The following EPRS1 variants were observed in gnomAD, a reference collection of about 807,000 sequenced individuals.
EPRS1 encodes the protein glutamyl-prolyl-tRNA synthetase 1.
In EPRS1, 107 loss-of-function variants were observed where a neutral mutation model predicts 188.3. The ratio of observed to expected loss-of-function variants is 0.57; its 90% confidence interval spans 0.49 to 0.67. The LOEUF is 0.67. EPRS1 is among the 30% of genes least tolerant of loss of function. The pLI is 0.00. For synonymous variants in EPRS1, 596 were observed against 593.1 expected (o/e 1.00, Z -0.07); for missense variants, 1,577 against 1,802.2 (o/e 0.88, Z 2.26).
chr1:220,014,512 G>A (rs979981058), intron 12 of EPRS1, among the ~76,000 whole-genome samples: 2 of 152,104 alleles, frequency 1.3e-5, no homozygotes, highest in African/African-American at 4.8e-5. Flanking sequence ...CAAAGGAAAG[G>A]GTACTGCACG....
intron 14 of EPRS1, among the ~76,000 whole-genome samples, chr1:220,006,527 A>C (rs1156881233): frequency 6.6e-6 from 1 of 152,152 alleles, no homozygotes; most frequent in Non-Finnish European, 1.5e-5. Flanking sequence ...AATACAACAT[A>C]ATCACTGACA....
At position 219,973,376 on chromosome 1, in the gene EPRS1, A is replaced by C. The variant is rs1017159417; in HGVS notation, c.4106T>G (p.Val1369Gly). 1 of 1,612,236 alleles carries C rather than the reference A, an allele frequency of 6.2e-7. No individual in the cohort carries two copies. The highest frequency in any genetic ancestry group is 8.5e-7 in the Non-Finnish European group (1 of 1,179,328). The change falls in exon 29 of 32, where the codon GTT (valine) becomes GGT (glycine). Residue 1369 changes from valine (V) to glycine (G), a missense_variant. Around this residue, in one of 3 missense-constraint regions of EPRS1, gnomAD observed 296 missense variants for 327.9 expected, o/e 0.90. Transcript: ENST00000366923. ...ACAGCTCTTCATATCACGTGGCCCA[A>C]CTTCAAGTCTAATGGGAACTCCCTA... ...ELKGVPIRLE[V>G]GPRDMKSCQF...
At chr1:220,027,443 T>C (rs1662000032) in intron 6 of EPRS1, among the ~76,000 whole-genome samples, 1 of 110,004 alleles carries the variant, frequency 9.1e-6, no homozygotes, top group African/African-American at 3.5e-5. Flanking sequence ...AAAAAAAAAA[T>C]TATCTGGGCG....
At chr1:219,978,517 G>A in intron 28 of EPRS1, 29 bp downstream of exon 28, 1 of 1,502,184 alleles carries the variant, frequency 6.7e-7, no homozygotes, top group Non-Finnish European at 9.0e-7. Context: ...GCAGATGTTG[G>A]GGGTAAAAGA....
chr1:219,997,099 C>G lies in EPRS1; in HGVS notation c.2425G>C (p.Gly809Arg). ...YKPGNPPAEI[G>R]QNISSNSSAS... ...GAGGAATTAGAAGAAATATTCTGTCCTATTTCAGCAGGAGGGTTTCCAGGT... is the reference window on the plus strand; with the variant it reads ...GAGGAATTAGAAGAAATATTCTGTCGTATTTCAGCAGGAGGGTTTCCAGGT... Residue 809 changes from glycine (G) to arginine (R), a missense_variant, in exon 18 of 32, where the codon GGA becomes CGA. Coordinates refer to ENST00000366923, the MANE Select transcript of EPRS1 (RefSeq NM_004446.3). 6.2e-7 allele frequency: 1 copy of G among 1,614,074 alleles called. No homozygotes were observed. The highest frequency in any genetic ancestry group is 8.5e-7 in the Non-Finnish European group (1 of 1,179,978).
chr1:220,046,303 C>T, intron 1 of EPRS1, 40 bp downstream of exon 1: 2 of 1,613,244 alleles, frequency 1.2e-6, no homozygotes, highest in South Asian at 1.1e-5. Context: ...CCCTCCCTGG[C>T]TGATGCAACC....
At chr1:220,033,388 A>T (rs1662120616) in intron 4 of EPRS1, 114 bp downstream of exon 4, 1 of 690,060 alleles carries the variant, frequency 1.4e-6, no homozygotes, top group Admixed American at 3.1e-5. Flanking sequence ...TTACTGTCTA[A>T]ACATATATAT....
chr1:220,021,717 A>G (rs191939612), intron 9 of EPRS1, among the ~76,000 whole-genome samples: 6 of 152,358 alleles, frequency 3.9e-5, no homozygotes, highest in Non-Finnish European at 7.3e-5. Context: ...GTCAGCACCC[A>G]TGAGTTTAAA....
intron 21 of EPRS1, among the ~76,000 whole-genome samples, chr1:219,983,868 A>G (rs900763640): frequency 8.9e-5 from 13 of 146,510 alleles, no homozygotes; most frequent in East Asian, 2.1e-4. Flanking sequence ...ACACCAGCCT[A>G]GGCAACAGAC....
chr1:219,983,614 C>T (rs569491711), intron 21 of EPRS1, among the ~76,000 whole-genome samples: 5 of 152,240 alleles, frequency 3.3e-5, no homozygotes, highest in East Asian at 1.9e-4. Context: ...TGAATTCCAC[C>T]GGGCATTGTG....
At chr1:220,014,285 G>A (rs184740060) in intron 12 of EPRS1, among the ~76,000 whole-genome samples, 14 of 151,756 alleles carry the variant, frequency 9.2e-5, no homozygotes, top group East Asian at 1.9e-4. Context: ...CCGAGATCAC[G>A]CCACTGCACG....
Position 219,983,205 on chromosome 1 carries a change from G to C in EPRS1, c.3284C>G (p.Ala1095Gly). The C allele has an allele frequency of 6.2e-7, 1 of 1,613,506 alleles. No individual in the cohort carries two copies. The highest frequency in any genetic ancestry group is 8.5e-7 in the Non-Finnish European group (1 of 1,179,696). ...SALEKEKTHVADFAPEVAWVT... is the reference protein window; with the variant it reads ...SALEKEKTHVGDFAPEVAWVT... The stretch of plus-strand genomic sequence containing the variant: ...CTCACTTACCTCTGGGGCAAAGTCA[G>C]CAACATGAGTCTTCTCTTTCTCTAA... The change falls in exon 22 of 32, where the codon GCT becomes GGT. Residue 1095 changes from alanine to glycine, a missense_variant. By Grantham distance (60) the Ala-to-Gly change is moderately conservative. Around this residue, in one of 3 missense-constraint regions of EPRS1, gnomAD observed 1,278 missense variants for 1,457.4 expected, o/e 0.88. Transcript: ENST00000366923.
At chr1:220,021,287 G>A (rs1571689485) in intron 9 of EPRS1, among the ~76,000 whole-genome samples, 1 of 152,154 alleles carries the variant, frequency 6.6e-6, no homozygotes, top group South Asian at 2.1e-4. Flanking sequence ...CTCCTGGACT[G>A]AAGCAATCTT....
At chr1:220,043,638 C>G (rs1662340175) in intron 1 of EPRS1, among the ~76,000 whole-genome samples, 1 of 152,080 alleles carries the variant, frequency 6.6e-6, no homozygotes, top group Non-Finnish European at 1.5e-5. Context: ...AATTCATGCA[C>G]CAACTGATGG....
intron 1 of EPRS1, among the ~76,000 whole-genome samples, chr1:220,045,913 G>T (rs1184303402): frequency 6.6e-6 from 1 of 152,212 alleles, no homozygotes; most frequent in Non-Finnish European, 1.5e-5. Context: ...GACAGGACAG[G>T]AAAGGAGGTA....
intron 29 of EPRS1, 61 bp from the exon 30 acceptor site, chr1:219,972,208 G>C: frequency 9.3e-7 from 1 of 1,076,182 alleles, no homozygotes; most frequent in Non-Finnish European, 1.4e-6. Flanking sequence ...AAAGTTTTAT[G>C]AAACACATAA....
intron 28 of EPRS1, among the ~76,000 whole-genome samples, chr1:219,975,238 C>G (rs1237266789): frequency 1.3e-5 from 2 of 152,146 alleles, no homozygotes; most frequent in African/African-American, 4.8e-5. Flanking sequence ...CATAGAGTGA[C>G]AGAGCCCACG....
chr1:220,022,920 T>C (rs78698032), intron 8 of EPRS1, among the ~76,000 whole-genome samples: 3,500 of 152,294 alleles, frequency 0.023, 74 homozygotes, highest in East Asian at 0.067. Flanking sequence ...AGCATTCTTA[T>C]TTTGCCACCT....
intron 16 of EPRS1, among the ~76,000 whole-genome samples, chr1:220,004,238 T>C (rs531757866): frequency 6.6e-6 from 1 of 152,290 alleles, no homozygotes; most frequent in African/African-American, 2.4e-5. Flanking sequence ...CTCACTATGT[T>C]GCCCAGGCTG....
Sources: gnomAD v4.1 joint callset for allele counts (sites outside exome capture counted in the v4.1 genomes callset) on GRCh38, gnomAD v4.1.1 for gene constraint, gnomAD v4.1.1 regional missense constraint, MANE v1.5 for transcripts, NCBI Gene and HGNC (gene_info 2026-07-23, HGNC 2026-07-21) for gene names.